The following ABR variants were observed in gnomAD, a reference collection of about 807,000 sequenced individuals.
ABR encodes active breakpoint cluster region-related protein.
In ABR, 35 loss-of-function variants were observed where a neutral mutation model predicts 107.2. That is an observed-to-expected ratio of 0.33 (90% CI 0.25 to 0.43). The LOEUF is 0.43. ABR is among the 20% of genes least tolerant of loss of function. ABR has a pLI of 1.00. For missense variants in ABR, 815 were observed against 1,115.2 expected, an observed-to-expected ratio of 0.73 and a Z score of 3.83; for synonymous variants, 498 against 462.0, an observed-to-expected ratio of 1.08 and a Z score of -1.00.
chr17:1,173,373 C>A (rs1264084233), intron 1 of ABR, among the ~76,000 whole-genome samples: 1 of 144,468 alleles, frequency 6.9e-6, no homozygotes. Context: ...CCTCAGCCCA[C>A]CCCCCACACA....
At chr17:1,224,765 C>T (rs2043182714) in intron 1 of ABR, among the ~76,000 whole-genome samples, 1 of 152,170 alleles carries the variant, frequency 6.6e-6, no homozygotes, top group Admixed American at 6.5e-5. Flanking sequence ...GCCTCGACCT[C>T]CTGGGTTCAA....
Position 1,004,393 on chromosome 17 carries a change from C to G in ABR, c.*1687G>C, listed in dbSNP as rs528265373. ...CTCAAAAAGGGCCTCTCACCGCGCACGCGCTGCAGCGTTAGGGCCGGCAAA... is the reference window on the plus strand; with the variant it reads ...CTCAAAAAGGGCCTCTCACCGCGCAGGCGCTGCAGCGTTAGGGCCGGCAAA... On this transcript the variant is annotated 3_prime_UTR_variant, in exon 23 of 23. Transcript: ENST00000302538. The G allele has an allele frequency of 6.6e-6, 1 of 152,630 alleles. No individual in the cohort carries two copies. The highest frequency in any genetic ancestry group is 1.5e-5 in the Non-Finnish European group (1 of 68,126). 9.5% of individuals were successfully genotyped at this position (152,630 alleles called of 1,614,324 possible).
intron 8 of ABR, among the ~76,000 whole-genome samples, chr17:1,072,230 G>C (rs556929660): frequency 1.2e-4 from 19 of 152,224 alleles, no homozygotes; most frequent in African/African-American, 4.6e-4. Context: ...GGATTAATGA[G>C]ACACTGGACT....
Position 1,010,866 on chromosome 17 carries a change from G to A in ABR, c.2102-3C>T. 6.2e-7 allele frequency: 1 copy of A among 1,613,462 alleles called. No individual in the cohort carries two copies. Among genetic ancestry groups the A allele is most frequent in the Non-Finnish European group, 8.5e-7 (1 of 1,179,982 alleles). ...CATCAGCAGGATGTCCTTGTTATCT[G>A]CAGGGGTGGGGCCGAGGTCAGGCAG... On this transcript the variant is annotated splice_polypyrimidine_tract_variant and splice_region_variant and intron_variant, in intron 19 of 22. Coordinates refer to ENST00000302538, the MANE Select transcript of ABR (RefSeq NM_021962.5). The surrounding 1 kb of genome is among the most constrained non-coding windows in gnomAD (Gnocchi z 4.1).
At position 1,179,642 on chromosome 17, in the gene ABR, T is replaced by A; in HGVS notation, c.61+25A>T. 1 of 1,508,880 alleles carries A rather than the reference T, an allele frequency of 6.6e-7. No individual in the cohort carries two copies. 93.5% of individuals were successfully genotyped at this position (1,508,880 alleles called of 1,614,324 possible). The stretch of plus-strand genomic sequence containing the variant: ...TGGGGTCCCGATCCCGATCCTGGGG[T>A]CCCGCCCCCGCCCGGCACACGTACT... On this transcript the variant is annotated intron_variant, in intron 1 of 22. Transcript: ENST00000302538. The surrounding 1 kb of genome is among the most constrained non-coding windows in gnomAD (Gnocchi z 4.9).
chr17:1,075,316 G>C (rs1025175363), intron 6 of ABR, among the ~76,000 whole-genome samples: 1 of 152,282 alleles, frequency 6.6e-6, no homozygotes, highest in East Asian at 1.9e-4. Context: ...AGGCAGGTTG[G>C]TCATCTGGGA....
intron 16 of ABR, among the ~76,000 whole-genome samples, chr17:1,040,000 G>C (rs1396135504): frequency 1.3e-5 from 2 of 152,192 alleles, no homozygotes; most frequent in African/African-American, 4.8e-5. Flanking sequence ...CTTCCCAGTT[G>C]AATCAAGGCC....
chr17:1,162,696 C>T (rs1306384608), intron 1 of ABR, among the ~76,000 whole-genome samples: 2 of 151,428 alleles, frequency 1.3e-5, no homozygotes, highest in Non-Finnish European at 2.9e-5. Flanking sequence ...AAAGGCTAGG[C>T]CAAGCACAGT....
intron 3 of ABR, among the ~76,000 whole-genome samples, chr17:1,094,542 T>G (rs1364693314): frequency 6.6e-6 from 1 of 152,034 alleles, no homozygotes; most frequent in Non-Finnish European, 1.5e-5. Flanking sequence ...AGCTAGTTTT[T>G]GTAGTTTTTG....
intron 3 of ABR, among the ~76,000 whole-genome samples, chr17:1,099,040 G>A (rs912008813): frequency 5.3e-5 from 8 of 151,992 alleles, no homozygotes; most frequent in African/African-American, 1.9e-4. Flanking sequence ...ACCCACCTCG[G>A]CCTCCCAAAG....
intron 1 of ABR, among the ~76,000 whole-genome samples, chr17:1,127,450 C>G (rs902132710): frequency 2.6e-5 from 4 of 152,196 alleles, no homozygotes; most frequent in African/African-American, 9.7e-5. Flanking sequence ...TCTGGTCCTT[C>G]CAGGGGGAGG....
chr17:1,025,951 G>A (rs924616939), intron 16 of ABR, among the ~76,000 whole-genome samples: 10 of 152,192 alleles, frequency 6.6e-5, no homozygotes, highest in Non-Finnish European at 1.3e-4. Flanking sequence ...GCTCCCCGCC[G>A]GGGCTGCTTC....
chr17:1,030,011 C>T (rs2072599678), intron 16 of ABR, among the ~76,000 whole-genome samples: 1 of 151,860 alleles, frequency 6.6e-6, no homozygotes, highest in South Asian at 2.1e-4. Flanking sequence ...ACAGAGCAGC[C>T]CAGGGCCGGG....
chr17:1,144,240 T>C (rs1346680174), intron 1 of ABR, among the ~76,000 whole-genome samples: 4 of 152,130 alleles, frequency 2.6e-5, no homozygotes, highest in African/African-American at 9.7e-5. Flanking sequence ...AACCTTGCCA[T>C]GATACGACGA....
exon 1 of ABR, among the ~76,000 whole-genome samples, chr17:1,229,286 T>C (rs929454820): frequency 6.6e-6 from 1 of 150,584 alleles, no homozygotes; most frequent in African/African-American, 2.4e-5. Flanking sequence ...CCCAGCTCCT[T>C]CCCCCGCCGG....
At chr17:1,178,807 G>A (rs2042009483) in intron 1 of ABR, among the ~76,000 whole-genome samples, 1 of 151,640 alleles carries the variant, frequency 6.6e-6, no homozygotes, top group Non-Finnish European at 1.5e-5. Flanking sequence ...GGAAGGGTGG[G>A]GAGAAGGGGC....
intron 16 of ABR, among the ~76,000 whole-genome samples, chr17:1,013,544 G>A (rs1038426856): frequency 2.0e-5 from 3 of 152,216 alleles, no homozygotes; most frequent in African/African-American, 4.8e-5. Context: ...TGCAGAAACT[G>A]AGGCTCACAA....
chr17:1,167,881 G>C (rs1463632422), intron 1 of ABR, among the ~76,000 whole-genome samples: 2 of 152,148 alleles, frequency 1.3e-5, no homozygotes, highest in Non-Finnish European at 2.9e-5. Flanking sequence ...CGGCCGGGCG[G>C]GTCGCTCACG....
intron 13 of ABR, among the ~76,000 whole-genome samples, chr17:1,056,311 TCTCTC>T (rs1350850702): frequency 6.6e-6 from 1 of 151,986 alleles, no homozygotes; most frequent in Non-Finnish European, 1.5e-5. Flanking sequence ...AGGGGGTCCT[TCTCTC>T]CTCCACTCAG....
Sources: gnomAD v4.1 joint callset for allele counts (sites outside exome capture counted in the v4.1 genomes callset) on GRCh38, gnomAD v4.1.1 for gene constraint, Gnocchi (gnomAD v3.1) non-coding constraint, MANE v1.5 for transcripts, NCBI Gene and HGNC (gene_info 2026-07-23, HGNC 2026-07-21) for gene names.